The following TGM4 variants were observed in gnomAD, a reference collection of about 807,000 sequenced individuals.
TGM4 encodes the protein protein-glutamine gamma-glutamyltransferase 4.
Under a neutral mutation model 76.3 loss-of-function variants are expected in TGM4, and 61 were observed. The observed-to-expected ratio is 0.80, with a 90% CI of 0.65 to 0.99. The LOEUF (loss-of-function observed/expected upper bound fraction) is 0.99, where lower values mean the gene tolerates loss of function less well. Ranked by LOEUF, TGM4 falls within the 50% of genes least tolerant of loss-of-function variation. TGM4 has a pLI of 0.00. For missense variants in TGM4, 794 were observed against 843.2 expected, an observed-to-expected ratio of 0.94 and a Z score of 0.72; for synonymous variants, 337 against 329.8, an observed-to-expected ratio of 1.02 and a Z score of -0.24.
chr3:44,901,932 G>A lies in TGM4; in HGVS notation c.971+1G>A. 6.2e-7 allele frequency: 1 copy of A among 1,613,746 alleles called. No individual in the cohort carries two copies. The highest frequency in any genetic ancestry group is 8.5e-7 in the Non-Finnish European group (1 of 1,179,758). Reference sequence around the variant, plus strand: ...CCAGTATGACCCACGACTCTGTCTGGTAGGGTTCCTCCTTCTCAACCTGCC... The same window carrying A: ...CCAGTATGACCCACGACTCTGTCTGATAGGGTTCCTCCTTCTCAACCTGCC... On this transcript the variant is annotated splice_donor_variant, in intron 8 of 13. Transcript: ENST00000296125. LOFTEE classifies it high-confidence loss of function.
In TGM4 at chr3:44,878,764, G is replaced by C. The variant is rs1488135223; in HGVS notation, c.19+4067G>C. On this transcript the variant is annotated intron_variant, in intron 1 of 13. Transcript: ENST00000296125. ...CCCAAAATGCTGGGATTACAGGCGT[G>C]AGCCGCTGCGCCTGGCCTCTTCTTT... Among the ~76,000 whole-genome samples the C allele has an allele frequency of 2.6e-5, 4 of 152,224 alleles. No individual in the cohort carries two copies. The East Asian group carries it at 7.7e-4, about 29-fold the overall frequency.
chr3:44,906,511 G>C (rs924706931), intron 9 of TGM4, among the ~76,000 whole-genome samples: 1 of 152,062 alleles, frequency 6.6e-6, no homozygotes, highest in African/African-American at 2.4e-5. Context: ...ACTTTGCCTG[G>C]ATTATTTAAT....
intron 13 of TGM4, 42 bp from the exon 14 acceptor site, chr3:44,913,542 T>A (rs779959942): frequency 6.3e-7 from 1 of 1,594,696 alleles, no homozygotes; most frequent in Non-Finnish European, 8.5e-7. Context: ...TCCCATAACA[T>A]CCTTGGCTGA....
chr3:44,891,891 C>T (rs558118978), intron 4 of TGM4, among the ~76,000 whole-genome samples: 2 of 151,650 alleles, frequency 1.3e-5, no homozygotes, highest in East Asian at 1.9e-4. Context: ...AGGAGAATGG[C>T]GTGAACCCGG....
At chr3:44,887,366 A>C (rs900566485) in intron 2 of TGM4, among the ~76,000 whole-genome samples, 1 of 152,232 alleles carries the variant, frequency 6.6e-6, no homozygotes, top group African/African-American at 2.4e-5. Flanking sequence ...CTGTGGCACG[A>C]GCCAGCAGGG....
rs768234069 is a variant in TGM4 at position 44,901,634 on chromosome 3, C to G, written c.768C>G (p.Tyr256Ter). ...GCAGTGCCCCGATCCTGCAGCAGTA[C>G]TACAACACGAAGCAGGCTGTGTGCT... ...WTGSAPILQQ[Y>*]YNTKQAVCFG... The change falls in exon 7 of 14, where the codon TAC becomes TAG. Residue 256 changes from tyrosine to a stop codon, truncating the protein, a stop_gained. Transcript: ENST00000296125. LOFTEE classifies it high-confidence loss of function. 38 of 1,614,100 alleles carry G rather than the reference C, an allele frequency of 2.4e-5. No homozygotes were observed. Among genetic ancestry groups the G allele is most frequent in the Admixed American group, 3.3e-5 (2 of 60,014 alleles).
At chr3:44,884,985 C>A (rs185057876) in intron 1 of TGM4, among the ~76,000 whole-genome samples, 1 of 152,312 alleles carries the variant, frequency 6.6e-6, no homozygotes, top group African/African-American at 2.4e-5. Context: ...ACTTGCCTAA[C>A]AGCCACTCAC....
At position 44,878,454 on chromosome 3, in the gene TGM4, TATTATTATTATTATTA is replaced by T. The variant is rs1699480884; in HGVS notation, c.19+3758_19+3773del. ...TGGGCATTTATTACTTTTGTTTTATTATTATTATTATTATTATTATTATTATTATTATTATTATTAT... is the reference window on the plus strand; with the variant it reads ...TGGGCATTTATTACTTTTGTTTTATTTTATTATTATTATTATTATTATTAT... On this transcript the variant is annotated intron_variant, in intron 1 of 13. Coordinates refer to ENST00000296125, the MANE Select transcript of TGM4 (RefSeq NM_003241.4). Among the ~76,000 whole-genome samples, 319 of 142,802 alleles carry T rather than the reference TATTATTATTATTATTA, an allele frequency of 2.2e-3. 3 individuals carry two copies. The highest frequency in any genetic ancestry group is 5.8e-3 in the African/African-American group (223 of 38,640). 93.7% of individuals were successfully genotyped at this position (142,802 alleles called of 152,430 possible). A position where few individuals can be genotyped will look rare whatever the true frequency, so the allele number is the denominator to read the frequency against.
At chr3:44,886,552 A>G (rs1038592907) in intron 2 of TGM4, among the ~76,000 whole-genome samples, 16 of 152,206 alleles carry the variant, frequency 1.1e-4, no homozygotes, top group African/African-American at 3.9e-4. Flanking sequence ...TACCTGCTCA[A>G]CGCATGGACT....
chr3:44,885,192 G>A (rs1159885473), intron 1 of TGM4, 133 bp from the exon 2 acceptor site: 7 of 843,862 alleles, frequency 8.3e-6, no homozygotes, highest in African/African-American at 1.7e-5. Flanking sequence ...ACCAGCTGGA[G>A]GTGGAGCAGG....
At position 44,901,683 on chromosome 3, in the gene TGM4, G is replaced by A. The variant is rs1699855771; in HGVS notation, c.817G>A (p.Gly273Arg). ...VCFGQCWVFAGILTTVLRALG... is the reference protein window; with the variant it reads ...VCFGQCWVFARILTTVLRALG... Reference sequence around the variant, plus strand: ...CTTTGGCCAGTGCTGGGTGTTTGCTGGGATCCTGACTACAGGTAAGTGGCA... The same window carrying A: ...CTTTGGCCAGTGCTGGGTGTTTGCTAGGATCCTGACTACAGGTAAGTGGCA... Residue 273 changes from glycine to arginine, a missense_variant, in exon 7 of 14, where the codon GGG becomes AGG. Gly to Arg is a moderately radical substitution (Grantham distance 125). Transcript: ENST00000296125. The A allele has an allele frequency of 3.7e-6, 6 of 1,614,020 alleles. No individual in the cohort carries two copies. Among genetic ancestry groups the A allele is most frequent in the Non-Finnish European group, 5.1e-6 (6 of 1,179,904 alleles).
At chr3:44,884,584 C>A (rs1420428128) in intron 1 of TGM4, among the ~76,000 whole-genome samples, 1 of 152,150 alleles carries the variant, frequency 6.6e-6, no homozygotes, top group Non-Finnish European at 1.5e-5. Context: ...GCGCCGCCCC[C>A]ACAGCCTCCC....
intron 1 of TGM4, 118 bp from the exon 2 acceptor site, chr3:44,885,207 C>A: frequency 9.5e-7 from 1 of 1,057,498 alleles, no homozygotes; most frequent in Non-Finnish European, 1.4e-6. Flanking sequence ...AGCAGGGATG[C>A]CCGACTCTAA....
At chr3:44,903,610 G>T in intron 8 of TGM4, 1 of 458,476 alleles carries the variant, frequency 2.2e-6, no homozygotes, top group Non-Finnish European at 4.0e-6. Flanking sequence ...AAGACTCCCA[G>T]GCTCTTTGAA....
intron 1 of TGM4, among the ~76,000 whole-genome samples, chr3:44,878,464 A>T (rs1422420382): frequency 5.7e-5 from 7 of 122,676 alleles, no homozygotes; most frequent in South Asian, 2.6e-4. Flanking sequence ...TATTATTATT[A>T]TTATTATTAT....
At chr3:44,888,318 C>A (rs116100292) in intron 3 of TGM4, 3,538 of 156,874 alleles carry the variant, frequency 0.023, 58 homozygotes, top group Non-Finnish European at 0.036. Context: ...TTGTAAAGAA[C>A]CATGTCTCGG....
At chr3:44,908,861 AC>A (rs1304625627) in intron 10 of TGM4, among the ~76,000 whole-genome samples, 1 of 151,946 alleles carries the variant, frequency 6.6e-6, no homozygotes, top group African/African-American at 2.4e-5. Context: ...CCACCCCCAC[AC>A]CACCATGTAT....
At chr3:44,891,090 T>C (rs1575716749) in intron 4 of TGM4, among the ~76,000 whole-genome samples, 1 of 152,182 alleles carries the variant, frequency 6.6e-6, no homozygotes, top group African/African-American at 2.4e-5. Context: ...GTTCCTCCCT[T>C]CTGCTCCCTT....
At chr3:44,893,361 A>G (rs1265448310) in intron 4 of TGM4, among the ~76,000 whole-genome samples, 3 of 152,074 alleles carry the variant, frequency 2.0e-5, no homozygotes, top group Non-Finnish European at 4.4e-5. Context: ...TCATGCTTAA[A>G]TTGCTCCAGA....
Sources: gnomAD v4.1 joint callset for allele counts (sites outside exome capture counted in the v4.1 genomes callset) on GRCh38, gnomAD v4.1.1 for gene constraint, MANE v1.5 for transcripts, NCBI Gene and HGNC (gene_info 2026-07-23, HGNC 2026-07-21) for gene names.